The following KPNA4 variants were observed in gnomAD, a reference collection of about 807,000 sequenced individuals.
The protein encoded by KPNA4 is importin subunit alpha-3.
In KPNA4, 13 loss-of-function variants were observed where a neutral mutation model predicts 71.3. The observed-to-expected ratio is 0.18, with a 90% confidence interval of 0.12 to 0.29. The LOEUF is 0.29. Among genes scored for constraint, KPNA4 ranks in the 10% least tolerant of loss-of-function variants. KPNA4 has a pLI of 1.00. For synonymous variants in KPNA4, 189 were observed against 195.2 expected, an observed-to-expected ratio of 0.97 and a Z score of 0.26; for missense variants, 334 against 603.2, an observed-to-expected ratio of 0.55 and a Z score of 4.67.
At chr3:160,528,348 A>AG (rs1488678165) in intron 7 of KPNA4, among the ~76,000 whole-genome samples, 2 of 152,052 alleles carry the variant, frequency 1.3e-5, no homozygotes, top group Non-Finnish European at 2.9e-5. Flanking sequence ...GAAAAAAAAA[A>AG]GTACATTATT....
chr3:160,541,480 T>A (rs936698060), intron 1 of KPNA4, among the ~76,000 whole-genome samples: 1 of 152,060 alleles, frequency 6.6e-6, no homozygotes, highest in Non-Finnish European at 1.5e-5. Context: ...ATTAAAAAAT[T>A]TGTACAGGCA....
chr3:160,523,120 C>G (rs1239974092), intron 10 of KPNA4, among the ~76,000 whole-genome samples: 1 of 152,194 alleles, frequency 6.6e-6, no homozygotes, highest in Non-Finnish European at 1.5e-5. Flanking sequence ...ACTTCCAAAG[C>G]CTTTCCAGAA....
chr3:160,504,021 T>C (rs191796280), intron 16 of KPNA4, among the ~76,000 whole-genome samples: 20 of 152,084 alleles, frequency 1.3e-4, no homozygotes, highest in Middle Eastern at 6.8e-3. Context: ...GAGGGGGAGG[T>C]TGCAGTGAGC....
At position 160,565,194 on chromosome 3, in the gene KPNA4, G is replaced by C; in HGVS notation, c.69+20C>G. 1.3e-6 allele frequency: 2 copies of C among 1,584,952 alleles called. No individual in the cohort carries two copies. Among genetic ancestry groups the C allele is most frequent in the Admixed American group, 1.7e-5 (1 of 58,402 alleles). ...CCAGGCCCACAGCCCCCACCCCTCC[G>C]GCGTCGTCCCCGAGTTTACCTCCAA... On this transcript the variant is annotated intron_variant, in intron 1 of 16. Coordinates refer to ENST00000334256, the MANE Select transcript of KPNA4 (RefSeq NM_002268.5).
chr3:160,564,924 G>A (rs1722311669), intron 1 of KPNA4, among the ~76,000 whole-genome samples: 1 of 146,370 alleles, frequency 6.8e-6, no homozygotes, highest in South Asian at 2.1e-4. Flanking sequence ...GCCGCGCCCG[G>A]CCTCCCCGCC....
At chr3:160,526,782 T>TA (rs1721467789) in intron 8 of KPNA4, among the ~76,000 whole-genome samples, 1 of 152,258 alleles carries the variant, frequency 6.6e-6, no homozygotes, top group Non-Finnish European at 1.5e-5. Flanking sequence ...TCCCTTGCAC[T>TA]ATAATATCTG....
intron 8 of KPNA4, 28 bp from the exon 9 acceptor site, chr3:160,526,135 A>G: frequency 6.9e-7 from 1 of 1,449,698 alleles, no homozygotes; most frequent in Non-Finnish European, 9.1e-7. Flanking sequence ...TAATTTACTC[A>G]ATAAAACATA....
intron 10 of KPNA4, among the ~76,000 whole-genome samples, chr3:160,524,910 T>C (rs1456740220): frequency 1.3e-5 from 2 of 152,234 alleles, no homozygotes; most frequent in African/African-American, 4.8e-5. Flanking sequence ...CTTTAAATTG[T>C]AAAGAAATGA....
rs1471963448 is a variant in KPNA4 at position 160,500,524 on chromosome 3, GTTCT to G, written c.*1576_*1579del. 2 of 152,676 alleles carry G rather than the reference GTTCT, an allele frequency of 1.3e-5. No homozygotes were observed. The highest frequency in any genetic ancestry group is 1.3e-4 in the Admixed American group (2 of 15,280). The allele number at this position is 152,676 out of a possible 1,614,324, so 9.5% of individuals were successfully genotyped here. A position where few individuals can be genotyped will look rare whatever the true frequency, so the allele number is the denominator to read the frequency against. On this transcript the variant is annotated 3_prime_UTR_variant, in exon 17 of 17. Transcript: ENST00000334256. ...CCTACAATGAGCCACCTTATAAAGAGTTCTTTTTGTACAAATTAATTTATGTCAC... is the reference window on the plus strand; with the variant it reads ...CCTACAATGAGCCACCTTATAAAGAGTTTTGTACAAATTAATTTATGTCAC...
chr3:160,564,310 T>C (rs187063686), intron 1 of KPNA4: 8 of 151,838 alleles, frequency 5.3e-5, no homozygotes, highest in East Asian at 3.9e-4. Flanking sequence ...TAATCAAACG[T>C]GATGGTGCCA....
intron 7 of KPNA4, among the ~76,000 whole-genome samples, chr3:160,528,445 A>G (rs2108551184): frequency 6.6e-6 from 1 of 152,192 alleles, no homozygotes; most frequent in South Asian, 2.1e-4. Context: ...GGCTCACTGC[A>G]ACCTCTGCCT....
intron 1 of KPNA4, among the ~76,000 whole-genome samples, chr3:160,552,650 C>A (rs1211150867): frequency 6.6e-6 from 1 of 152,022 alleles, no homozygotes; most frequent in Non-Finnish European, 1.5e-5. Context: ...TCAGGAATGG[C>A]CTCTGTGAGT....
Position 160,509,807 on chromosome 3 carries a change from T to C in KPNA4, c.1202A>G (p.Lys401Arg). The change falls in exon 14 of 17, where the codon AAA becomes AGA. Residue 401 changes from lysine to arginine, a missense_variant. Transcript: ENST00000334256. Reference sequence around the variant, plus strand: ...TTAAAAAGCTCAACTTACTTGATCTTTCCTTCCACTAATTGTTAAGTTACT... The same window carrying C: ...TTAAAAAGCTCAACTTACTTGATCTCTCCTTCCACTAATTGTTAAGTTACT... ...AISNLTISGR[K>R]DQVAYLIQQN... is the part of the protein sequence containing the mutation. 1 of 1,602,660 alleles carries C rather than the reference T, an allele frequency of 6.2e-7. No individual in the cohort carries two copies. The highest frequency in any genetic ancestry group is 1.3e-5 in the African/African-American group (1 of 74,762).
chr3:160,544,745 T>C (rs1333033308), intron 1 of KPNA4, among the ~76,000 whole-genome samples: 1 of 152,302 alleles, frequency 6.6e-6, no homozygotes, highest in African/African-American at 2.4e-5. Flanking sequence ...TTTATATTAC[T>C]GCTTGAAGGA....
intron 10 of KPNA4, among the ~76,000 whole-genome samples, chr3:160,523,619 G>A (rs1339432719): frequency 6.6e-6 from 1 of 152,084 alleles, no homozygotes; most frequent in Non-Finnish European, 1.5e-5. Flanking sequence ...GGGGGCCAAG[G>A]TGGGTGGATC....
intron 1 of KPNA4, among the ~76,000 whole-genome samples, chr3:160,551,516 G>T (rs1229680406): frequency 6.6e-6 from 1 of 152,148 alleles, no homozygotes; most frequent in Non-Finnish European, 1.5e-5. Flanking sequence ...TTCCAGGAGA[G>T]ACCCAACAAA....
intron 1 of KPNA4, among the ~76,000 whole-genome samples, chr3:160,543,615 G>A (rs1721850001): frequency 6.6e-6 from 1 of 152,076 alleles, no homozygotes; most frequent in Admixed American, 6.5e-5. Flanking sequence ...TTACAAGTGT[G>A]AGCCACCATA....
intron 11 of KPNA4, among the ~76,000 whole-genome samples, chr3:160,515,861 T>G (rs1487745147): frequency 6.6e-6 from 1 of 152,154 alleles, no homozygotes; most frequent in Non-Finnish European, 1.5e-5. Flanking sequence ...GGGATCTGCC[T>G]GCCTCAGCCT....
intron 11 of KPNA4, among the ~76,000 whole-genome samples, chr3:160,516,485 T>C (rs1403803876): frequency 3.3e-5 from 5 of 150,482 alleles, no homozygotes; most frequent in Admixed American, 1.3e-4. Context: ...GTTGAAAATA[T>C]AAAAATAAAA....
Sources: gnomAD v4.1 joint callset for allele counts (sites outside exome capture counted in the v4.1 genomes callset) on GRCh38, gnomAD v4.1.1 for gene constraint, MANE v1.5 for transcripts, NCBI Gene and HGNC (gene_info 2026-07-23, HGNC 2026-07-21) for gene names.